Variants in MICAL3 observed in about 807,000 individuals in gnomAD.
MICAL3 encodes microtubule associated monooxygenase, calponin and LIM domain containing 3.
A neutral mutation model predicts 207.4 loss-of-function variants in MICAL3; 62 were observed. That is an observed-to-expected ratio of 0.30 (90% CI 0.24 to 0.37). MICAL3 has a LOEUF of 0.37. MICAL3 is among the 10% of genes least tolerant of loss of function. MICAL3 has a pLI of 1.00. For synonymous variants in MICAL3, 1,077 were observed against 1,069.3 expected, an observed-to-expected ratio of 1.01 and a Z score of -0.14; for missense variants, 2,368 against 2,635.6, an observed-to-expected ratio of 0.90 and a Z score of 2.22.
chr22:17,868,917 C>T (rs574686691), intron 17 of MICAL3, among the ~76,000 whole-genome samples: 6 of 152,204 alleles, frequency 3.9e-5, no homozygotes, highest in South Asian at 4.2e-4. Flanking sequence ...TGAGACAGTG[C>T]GAGCCCTGCA....
intron 1 of MICAL3, among the ~76,000 whole-genome samples, chr22:17,979,021 C>G (rs915679277): frequency 1.3e-4 from 19 of 150,154 alleles, no homozygotes; most frequent in African/African-American, 4.7e-4. Flanking sequence ...ACAAAAAATA[C>G]AAAACTTAGC....
At chr22:17,922,779 T>G (rs1161152137) in intron 1 of MICAL3, among the ~76,000 whole-genome samples, 1 of 152,128 alleles carries the variant, frequency 6.6e-6, no homozygotes, top group Non-Finnish European at 1.5e-5. Context: ...GCAGTGTGTC[T>G]TGGTTCCAAG....
intron 3 of MICAL3, among the ~76,000 whole-genome samples, chr22:17,904,147 C>A (rs532030640): frequency 6.6e-6 from 1 of 152,206 alleles, no homozygotes; most frequent in African/African-American, 2.4e-5. Flanking sequence ...CAGGGCTCTG[C>A]GCCTCCTGCA....
chr22:17,963,898 A>C (rs1028335584), intron 1 of MICAL3, among the ~76,000 whole-genome samples: 1 of 152,182 alleles, frequency 6.6e-6, no homozygotes, highest in Non-Finnish European at 1.5e-5. Flanking sequence ...GGTCGTGGGG[A>C]CATATTTTAA....
At chr22:17,955,223 C>T (rs1388707891) in intron 1 of MICAL3, among the ~76,000 whole-genome samples, 2 of 152,188 alleles carry the variant, frequency 1.3e-5, no homozygotes, top group Admixed American at 6.5e-5. Context: ...TCCTGCTTCA[C>T]TCCTTCAAAA....
intron 19 of MICAL3, among the ~76,000 whole-genome samples, chr22:17,842,673 C>T (rs1415212028): frequency 1.3e-5 from 2 of 152,270 alleles, no homozygotes; most frequent in Non-Finnish European, 1.5e-5. Context: ...GGCCTCTCTG[C>T]GATGCACAGG....
intron 29 of MICAL3, 50 bp downstream of exon 29, chr22:17,808,794 G>A (rs1354931251): frequency 9.5e-6 from 14 of 1,472,646 alleles, no homozygotes; most frequent in Non-Finnish European, 1.3e-5. Context: ...ACCACGGCGG[G>A]AGGGAGGGCT....
chr22:17,840,631 C>A (rs1569089385), intron 20 of MICAL3: 1 of 152,206 alleles, frequency 6.6e-6, no homozygotes. Flanking sequence ...CACACTCAGC[C>A]CAAGGTCAAG....
chr22:17,919,935 C>T (rs969186392), intron 1 of MICAL3, among the ~76,000 whole-genome samples: 4 of 152,212 alleles, frequency 2.6e-5, no homozygotes, highest in Non-Finnish European at 5.9e-5. Context: ...ATGCAACAGC[C>T]CCAGCCCACT....
intron 1 of MICAL3, among the ~76,000 whole-genome samples, chr22:17,980,134 C>A (rs1037843804): frequency 7.2e-5 from 11 of 152,142 alleles, no homozygotes; most frequent in Non-Finnish European, 1.6e-4. Context: ...TGGCCCCCAG[C>A]AAGTCTTTCT....
chr22:17,877,450 TGGAGGTTAGGGAGATTATGGAGGTTAG>T (rs1928876026), intron 16 of MICAL3, among the ~76,000 whole-genome samples: 1 of 102,096 alleles, frequency 9.8e-6, no homozygotes, highest in Non-Finnish European at 1.9e-5. Context: ...AGGGAGGTTA[TGGAGGTTAGGGAGATTATGGAGGTTAG>T]GGAGGTTATG....
intron 16 of MICAL3, chr22:17,876,757 A>AGGAGGTTAGGGAAGTTATGGAGGTTAG (rs1569108923): frequency 4.2e-4 from 28 of 66,126 alleles, no homozygotes; most frequent in African/African-American, 1.1e-3. Context: ...AGGGAGGTTA[A>AGGAGGTTAGGGAAGTTATGGAGGTTAG]GGAGGTTAGG....
At chr22:17,970,318 T>A (rs28582366) in intron 1 of MICAL3, among the ~76,000 whole-genome samples, 55 of 140,710 alleles carry the variant, frequency 3.9e-4, no homozygotes, top group African/African-American at 1.7e-3. Context: ...GACCAGCTGC[T>A]GGCCCATGCT....
chr22:17,930,162 C>T (rs1199289921), intron 1 of MICAL3, among the ~76,000 whole-genome samples: 2 of 152,140 alleles, frequency 1.3e-5, no homozygotes, highest in African/African-American at 4.8e-5. Flanking sequence ...GACAATGCCA[C>T]GAGTAGGCAA....
intron 21 of MICAL3, among the ~76,000 whole-genome samples, chr22:17,828,700 C>T (rs988214342): frequency 6.6e-6 from 1 of 152,162 alleles, no homozygotes; most frequent in Non-Finnish European, 1.5e-5. Context: ...GGATCCCTGC[C>T]CTGTGGGATC....
chr22:17,828,567 T>C (rs1922457519), intron 21 of MICAL3, among the ~76,000 whole-genome samples: 1 of 152,160 alleles, frequency 6.6e-6, no homozygotes, highest in Non-Finnish European at 1.5e-5. Flanking sequence ...CAGGCGAGAA[T>C]GAGACCAACA....
chr22:17,863,847 C>T, intron 19 of MICAL3: 1 of 985,496 alleles, frequency 1.0e-6, no homozygotes, highest in Non-Finnish European at 1.2e-6. Flanking sequence ...AATTCTATGA[C>T]CAACTCCTCC....
At chr22:18,000,346 C>G (rs1922803116) in intron 1 of MICAL3, among the ~76,000 whole-genome samples, 1 of 152,180 alleles carries the variant, frequency 6.6e-6, no homozygotes, top group South Asian at 2.1e-4. Context: ...GCATTAAACA[C>G]CATTAAAAGA....
chr22:17,915,933 A>T (rs529526749), intron 1 of MICAL3, among the ~76,000 whole-genome samples: 65 of 151,920 alleles, frequency 4.3e-4, no homozygotes, highest in African/African-American at 1.5e-3. Context: ...TCTACAAAAA[A>T]TTAAAAAATT....
Sources: allele counts gnomAD v4.1 joint callset (sites outside exome capture counted in the v4.1 genomes callset), GRCh38; gene constraint gnomAD v4.1.1; transcripts MANE v1.5; gene names NCBI Gene and HGNC (gene_info 2026-07-23, HGNC 2026-07-21).